DNM3: variants seen among roughly 807,000 people sequenced by gnomAD.
The protein encoded by DNM3 is dynamin-3.
DNM3 carries 47 observed loss-of-function variants against 101.6 expected under a neutral mutation model. The ratio of observed to expected loss-of-function variants is 0.46; its 90% confidence interval spans 0.37 to 0.59. DNM3 has a LOEUF of 0.59. DNM3 is among the 20% of genes least tolerant of loss of function. The pLI is 0.00. For synonymous variants in DNM3, 385 were observed against 387.9 expected, an observed-to-expected ratio of 0.99 and a Z score of 0.09; for missense variants, 849 against 1,085.7, an observed-to-expected ratio of 0.78 and a Z score of 3.06.
rs147916923 is a variant in DNM3 at position 171,948,261 on chromosome 1, A to T, written c.235+26440A>T. 2.1e-3 allele frequency among the ~76,000 whole-genome samples: 326 copies of T among 152,344 alleles called. 2 individuals carry two copies. Among genetic ancestry groups the T allele is most frequent in the African/African-American group, 7.4e-3 (307 of 41,592 alleles). ...ATGCATTATACAAATAAAAATTTTG[A>T]TTGGTAAATTGTTTAAGACCTCACA... On this transcript the variant is annotated intron_variant, in intron 2 of 20. Transcript: ENST00000627582.
chr1:171,868,468 G>C (rs1026257895), intron 1 of DNM3, among the ~76,000 whole-genome samples: 2 of 152,188 alleles, frequency 1.3e-5, no homozygotes, highest in East Asian at 1.9e-4. Flanking sequence ...TCTGCGCATT[G>C]CGTGAATAAG....
chr1:172,038,281 C>G (rs1255726840), intron 6 of DNM3, 38 bp from the exon 7 acceptor site: 1 of 1,610,724 alleles, frequency 6.2e-7, no homozygotes, highest in East Asian at 2.2e-5. Flanking sequence ...GTATATGATT[C>G]AATCTTCAAT....
At position 171,841,630 on chromosome 1, in the gene DNM3, C is replaced by CTG; in HGVS notation, c.-27_-26insTG. ...TCAGGTCGTAGAGGCGAGCAGGGACCAGCTGGTCGCCGGCCCCTCGGGCAA... is the reference window on the plus strand; with the variant it reads ...TCAGGTCGTAGAGGCGAGCAGGGACCTGAGCTGGTCGCCGGCCCCTCGGGCAA... On this transcript the variant is annotated 5_prime_UTR_variant, in exon 1 of 21. Coordinates refer to ENST00000627582, the MANE Select transcript of DNM3 (RefSeq NM_015569.5). 1 of 1,598,324 alleles carries CTG rather than the reference C, an allele frequency of 6.3e-7. No homozygotes were observed. The highest frequency in any genetic ancestry group is 8.5e-7 in the Non-Finnish European group (1 of 1,173,682).
intron 14 of DNM3, among the ~76,000 whole-genome samples, chr1:172,192,885 T>C (rs1377732783): frequency 1.3e-5 from 2 of 151,382 alleles, no homozygotes; most frequent in Admixed American, 6.6e-5. Flanking sequence ...CCTTTGGGTA[T>C]ATACCCAGTA....
At chr1:172,110,339 C>T (rs1486267270) in intron 13 of DNM3, among the ~76,000 whole-genome samples, 3 of 152,230 alleles carry the variant, frequency 2.0e-5, no homozygotes, top group Non-Finnish European at 2.9e-5. Flanking sequence ...AATACATACT[C>T]CTCTCACCAC....
chr1:172,382,896 C>T (rs943256051), intron 18 of DNM3, among the ~76,000 whole-genome samples: 2 of 152,152 alleles, frequency 1.3e-5, no homozygotes, highest in Non-Finnish European at 2.9e-5. Flanking sequence ...CCCTGGACCC[C>T]TCTGGAGGTC....
chr1:171,904,927 G>A (rs958433762), intron 1 of DNM3, among the ~76,000 whole-genome samples: 5 of 152,116 alleles, frequency 3.3e-5, no homozygotes, highest in African/African-American at 9.7e-5. Flanking sequence ...GGGGGATTGC[G>A]CTGGACAAGT....
intron 4 of DNM3, among the ~76,000 whole-genome samples, chr1:172,007,197 A>C (rs1353512219): frequency 6.6e-6 from 1 of 152,098 alleles, no homozygotes; most frequent in Non-Finnish European, 1.5e-5. Flanking sequence ...GCACATATTA[A>C]AAAAATTTTA....
chr1:172,148,473 T>G (rs2058005977), intron 14 of DNM3, among the ~76,000 whole-genome samples: 1 of 152,128 alleles, frequency 6.6e-6, no homozygotes, highest in Non-Finnish European at 1.5e-5. Context: ...GCTTTTAATA[T>G]TTATATATGT....
chr1:171,895,923 A>G (rs2037749042), intron 1 of DNM3, among the ~76,000 whole-genome samples: 1 of 152,054 alleles, frequency 6.6e-6, no homozygotes, highest in African/African-American at 2.4e-5. Context: ...TGTTTTTGTC[A>G]GGTTTGTCAA....
At chr1:172,138,716 C>T (rs982476183) in intron 14 of DNM3, 5 of 294,122 alleles carry the variant, frequency 1.7e-5, no homozygotes, top group Admixed American at 4.7e-5. Context: ...CCCAGGCCCC[C>T]GAGCCCCTCA....
chr1:172,126,725 T>A (rs1199910461), intron 13 of DNM3, among the ~76,000 whole-genome samples: 1 of 152,146 alleles, frequency 6.6e-6, no homozygotes, highest in Non-Finnish European at 1.5e-5. Context: ...CTGCTTTTTT[T>A]TTTTGACTTC....
chr1:172,276,225 A>C lies in DNM3; in HGVS notation c.1769+22543A>C, dbSNP rs114039427. On this transcript the variant is annotated intron_variant, in intron 15 of 20. Coordinates refer to ENST00000627582, the MANE Select transcript of DNM3 (RefSeq NM_015569.5). ...AATTAGTGTGGGACAGCACTTGGCA[A>C]TAAACTGGGACTGTCTGGGCAAAAA... Among the ~76,000 whole-genome samples, 838 of 152,080 alleles carry C rather than the reference A, an allele frequency of 5.5e-3. 9 individuals carry two copies. Among genetic ancestry groups the C allele is most frequent in the African/African-American group, 0.019 (780 of 41,522 alleles).
chr1:172,313,438 CAACT>C (rs1471424366), intron 16 of DNM3, among the ~76,000 whole-genome samples: 2 of 152,108 alleles, frequency 1.3e-5, no homozygotes, highest in Admixed American at 6.5e-5. Context: ...ATATAACAAA[CAACT>C]GACTTTTCTG....
chr1:172,153,734 T>G (rs2058231906), intron 14 of DNM3, among the ~76,000 whole-genome samples: 1 of 152,136 alleles, frequency 6.6e-6, no homozygotes, highest in South Asian at 2.1e-4. Flanking sequence ...AAATTTTCAG[T>G]CAGATGAATT....
intron 13 of DNM3, among the ~76,000 whole-genome samples, chr1:172,099,490 A>G (rs1028469399): frequency 6.6e-6 from 1 of 152,034 alleles, no homozygotes; most frequent in Non-Finnish European, 1.5e-5. Flanking sequence ...TCATTTCTAT[A>G]TCGTTGAACA....
intron 12 of DNM3, among the ~76,000 whole-genome samples, chr1:172,088,339 A>G (rs1453461352): frequency 1.3e-5 from 2 of 152,170 alleles, no homozygotes; most frequent in African/African-American, 2.4e-5. Flanking sequence ...CAGGACTCCA[A>G]TAGTCAGAGA....
chr1:172,364,439 T>C (rs1197809095), intron 17 of DNM3, among the ~76,000 whole-genome samples: 1 of 151,682 alleles, frequency 6.6e-6, no homozygotes, highest in Non-Finnish European at 1.5e-5. Context: ...TTATAGGAAA[T>C]ACAAGGAGTG....
intron 10 of DNM3, among the ~76,000 whole-genome samples, chr1:172,057,802 C>G (rs2050772247): frequency 6.6e-6 from 1 of 151,124 alleles, no homozygotes; most frequent in Admixed American, 6.6e-5. Context: ...AGCAAAATAA[C>G]CAGCTATCAT....
Sources: allele counts gnomAD v4.1 joint callset (sites outside exome capture counted in the v4.1 genomes callset), GRCh38; gene constraint gnomAD v4.1.1; transcripts MANE v1.5; gene names NCBI Gene and HGNC (gene_info 2026-07-23, HGNC 2026-07-21).